Variants in SRI observed in about 807,000 individuals in gnomAD.
The protein encoded by SRI is sorcin.
A neutral mutation model predicts 33.3 loss-of-function variants in SRI; 30 were observed. That is an observed-to-expected ratio of 0.90 (90% CI 0.67 to 1.22). The LOEUF is 1.22. Ranked by LOEUF, SRI falls within the 50% of genes most tolerant of loss-of-function variation. The probability of loss-of-function intolerance (pLI) is 0.00; values close to 1 mark genes in which losing one functional copy is unlikely to be tolerated. For missense variants in SRI, 243 were observed against 250.8 expected (o/e 0.97, Z 0.21); for synonymous variants, 75 against 89.9 (o/e 0.83, Z 0.94).
chr7:88,225,711 T>G (rs1323287725), intron 1 of SRI, among the ~76,000 whole-genome samples: 1 of 152,252 alleles, frequency 6.6e-6, no homozygotes, highest in Non-Finnish European at 1.5e-5. Flanking sequence ...CTTTTAAGAT[T>G]ATGCAATTTC....
chr7:88,214,590 T>C (rs1851661456), intron 3 of SRI, among the ~76,000 whole-genome samples: 1 of 151,866 alleles, frequency 6.6e-6, no homozygotes, highest in South Asian at 2.1e-4. Context: ...GTTAATAATA[T>C]AGCTTTTATT....
chr7:88,225,194 T>C (rs1232057775), intron 1 of SRI, among the ~76,000 whole-genome samples: 3 of 152,216 alleles, frequency 2.0e-5, no homozygotes, highest in Non-Finnish European at 2.9e-5. Context: ...TTAATGAAGC[T>C]CTGAGCTGGA....
At chr7:88,208,869 T>C (rs1851498384) in intron 6 of SRI, 1 of 375,048 alleles carries the variant, frequency 2.7e-6, no homozygotes, top group Admixed American at 4.0e-5. Context: ...CATTACTTCA[T>C]TGTGATAAAA....
At chr7:88,214,232 T>C (rs1035136859) in intron 3 of SRI, among the ~76,000 whole-genome samples, 3 of 152,152 alleles carry the variant, frequency 2.0e-5, no homozygotes, top group African/African-American at 7.2e-5. Context: ...AGGACCAGCA[T>C]AAGCAAAGAG....
At chr7:88,216,623 G>T (rs1273505926) in intron 3 of SRI, 1 of 158,800 alleles carries the variant, frequency 6.3e-6, no homozygotes, top group Non-Finnish European at 1.4e-5. Flanking sequence ...AGTTCCTAAT[G>T]TCAGTTAATG....
chr7:88,217,288 G>T, intron 2 of SRI, 97 bp from the exon 3 acceptor site: 1 of 1,033,568 alleles, frequency 9.7e-7, no homozygotes, highest in Non-Finnish European at 1.5e-6. Flanking sequence ...AAGAAAATCA[G>T]TATCTTTTTT....
At chr7:88,220,060 T>G (rs1285122244), upstream of SRI, 4 of 1,513,178 alleles carry the variant, frequency 2.6e-6, no homozygotes, top group South Asian at 1.2e-5. Flanking sequence ...CCTCGCCCTG[T>G]GCGCCAGGCC....
chr7:88,222,440 G>A (rs1186654673), upstream of SRI, among the ~76,000 whole-genome samples: 11 of 150,432 alleles, frequency 7.3e-5, no homozygotes, highest in African/African-American at 2.7e-4. Flanking sequence ...GATGGCCAGT[G>A]ATGATGAGCA....
intron 1 of SRI, 146 bp from the exon 2 acceptor site, chr7:88,219,088 A>T (rs979400073): frequency 1.4e-6 from 1 of 698,188 alleles, no homozygotes; most frequent in Non-Finnish European, 2.6e-6. Context: ...ACACTCTGCC[A>T]ACACTCCACC....
chr7:88,207,361 A>G (rs1487630727), intron 7 of SRI, among the ~76,000 whole-genome samples: 1 of 152,210 alleles, frequency 6.6e-6, no homozygotes, highest in Admixed American at 6.5e-5. Flanking sequence ...AAGCAGGTAA[A>G]ATAAGCATAT....
chr7:88,215,881 A>T (rs1851697802), intron 3 of SRI, among the ~76,000 whole-genome samples: 1 of 152,260 alleles, frequency 6.6e-6, no homozygotes. Context: ...TATTTGAACT[A>T]AGACATTATT....
At chr7:88,220,104 A>G (rs1421752230), upstream of SRI, 14 of 1,433,688 alleles carry the variant, frequency 9.8e-6, no homozygotes, top group Non-Finnish European at 1.2e-5. Flanking sequence ...CCCTGCCGCT[A>G]GGGGGCCGCC....
Position 88,209,342 on chromosome 7 carries a change from T to C in SRI, c.508A>G (p.Thr170Ala), listed in dbSNP as rs1006014123. 1.2e-6 allele frequency: 2 copies of C among 1,613,358 alleles called. No homozygotes were observed. Among genetic ancestry groups the C allele is most frequent in the East Asian group, 2.2e-5 (1 of 44,880 alleles). Residue 170 changes from threonine (T) to alanine (A), a missense_variant, in exon 6 of 8, where the codon ACA becomes GCA. Coordinates refer to ENST00000265729, the MANE Select transcript of SRI (RefSeq NM_003130.4). Reference sequence around the variant, plus strand: ...GACACGACCTTATAGAACTCACCTGTAAGAGCCCTCAGTTTGACGCAGCAG... The same window carrying C: ...GACACGACCTTATAGAACTCACCTGCAAGAGCCCTCAGTTTGACGCAGCAG... Reference protein sequence around the residue: ...IACCVKLRALTDSFRRRDTAQ... With the variant: ...IACCVKLRALADSFRRRDTAQ...
At position 88,210,672 on chromosome 7, in the gene SRI, T is replaced by C. The variant is rs552090484; in HGVS notation, c.249+210A>G. The C allele has an allele frequency of 1.3e-5, 7 of 547,302 alleles. No homozygotes were observed. In the South Asian group the frequency reaches 1.6e-4, roughly 12 times the overall value. The allele number at this position is 547,302 out of a possible 1,614,324, so 33.9% of individuals were successfully genotyped here. A position where few individuals can be genotyped will look rare whatever the true frequency, so the allele number is the denominator to read the frequency against. On this transcript the variant is annotated intron_variant, in intron 4 of 7. Transcript: ENST00000265729. ...TACTTGTTCTATAATACTCTGATGT[T>C]TCCTTAAATTCCTGAACAACATTCT...
intron 1 of SRI, 50 bp downstream of exon 1, chr7:88,219,926 T>G (rs1851842695): frequency 4.6e-6 from 7 of 1,533,814 alleles, no homozygotes; most frequent in Non-Finnish European, 5.3e-6. Context: ...AGGTGGCCTC[T>G]TAGCGCCCCG....
At chr7:88,212,302 AGATAATATTCTCT>A in intron 3 of SRI, among the ~76,000 whole-genome samples, 1 of 152,332 alleles carries the variant, frequency 6.6e-6, no homozygotes, top group East Asian at 1.9e-4. Flanking sequence ...TTTGATCCAC[AGATAATATTCTCT>A]GAGGTGAGAG....
intron 3 of SRI, chr7:88,214,992 C>A (rs896406469): frequency 8.4e-6 from 4 of 475,450 alleles, no homozygotes; most frequent in African/African-American, 4.0e-5. Flanking sequence ...TGGAACACAA[C>A]TTCTCTCACC....
intron 6 of SRI, 70 bp from the exon 7 acceptor site, chr7:88,208,635 AT>A: frequency 6.3e-7 from 1 of 1,584,360 alleles, no homozygotes. Flanking sequence ...AAAGTTAGTT[AT>A]TTTGGCATTG....
rs1334812644 is a variant in SRI, at chr7:88,206,383, G to A, written c.*95C>T. 2 of 1,382,772 alleles carry A rather than the reference G, an allele frequency of 1.4e-6. No homozygotes were observed. The highest frequency in any genetic ancestry group is 2.1e-6 in the Non-Finnish European group (2 of 969,632). The allele number at this position is 1,382,772 out of a possible 1,614,324, so 85.7% of individuals were successfully genotyped here. On this transcript the variant is annotated 3_prime_UTR_variant, in exon 8 of 8. Transcript: ENST00000265729. Reference sequence around the variant, plus strand: ...ACAACAGCTGTTAAGAGAAAGTCGTGATGTAAGTTTATACATATTACCGAA... The same window carrying A: ...ACAACAGCTGTTAAGAGAAAGTCGTAATGTAAGTTTATACATATTACCGAA...
Sources: gnomAD v4.1 joint callset for allele counts (sites outside exome capture counted in the v4.1 genomes callset) on GRCh38, gnomAD v4.1.1 for gene constraint, MANE v1.5 for transcripts, NCBI Gene and HGNC (gene_info 2026-07-23, HGNC 2026-07-21) for gene names.